The following TM9SF4 variants were observed in gnomAD, a reference collection of about 807,000 sequenced individuals.
TM9SF4 encodes transmembrane 9 superfamily member 4.
Under a neutral mutation model 90.4 loss-of-function variants are expected in TM9SF4, and 26 were observed. The ratio of observed to expected loss-of-function variants is 0.29; its 90% CI spans 0.21 to 0.40. The LOEUF (loss-of-function observed/expected upper bound fraction) is 0.40. Ranked by LOEUF, TM9SF4 falls within the 10% of genes least tolerant of loss-of-function variation. The pLI is 1.00. For synonymous variants in TM9SF4, 293 were observed against 315.4 expected (o/e 0.93, Z 0.75); for missense variants, 549 against 834.8 (o/e 0.66, Z 4.22).
At chr20:32,124,862 C>T (rs895820524) in intron 1 of TM9SF4, among the ~76,000 whole-genome samples, 3 of 152,320 alleles carry the variant, frequency 2.0e-5, no homozygotes, top group East Asian at 1.9e-4. Flanking sequence ...GCTTGGATTA[C>T]GGGTGTGAGC....
intron 6 of TM9SF4, among the ~76,000 whole-genome samples, chr20:32,144,032 G>A (rs917882573): frequency 2.6e-5 from 4 of 151,896 alleles, no homozygotes; most frequent in Non-Finnish European, 4.4e-5. Flanking sequence ...TGCAACCTGC[G>A]TCTCCTGGGT....
intron 12 of TM9SF4, among the ~76,000 whole-genome samples, chr20:32,154,897 A>G (rs904501444): frequency 2.0e-5 from 3 of 152,198 alleles, no homozygotes; most frequent in Admixed American, 2.0e-4. Context: ...GATGAGAGCA[A>G]GAAGGGGCAG....
chr20:32,142,386 A>G (rs756544869), intron 5 of TM9SF4, among the ~76,000 whole-genome samples: 9 of 152,222 alleles, frequency 5.9e-5, no homozygotes, highest in Admixed American at 1.3e-4. Context: ...TGATTCTCTT[A>G]TCTTTCTTTC....
chr20:32,126,073 A>ACACACC (rs2046416443), intron 1 of TM9SF4, among the ~76,000 whole-genome samples: 1 of 105,884 alleles, frequency 9.4e-6, no homozygotes, highest in African/African-American at 3.7e-5. Context: ...CCGTAAACAC[A>ACACACC]CACACACACA....
intron 1 of TM9SF4, among the ~76,000 whole-genome samples, chr20:32,132,233 G>A (rs2235901): frequency 0.42 from 64,240 of 151,922 alleles, 13,958 homozygotes; most frequent in East Asian, 0.74. Context: ...GTGAAACCCC[G>A]TCTGATCTAA....
At chr20:32,144,947 T>A (rs1406367584) in intron 6 of TM9SF4, 144 bp from the exon 7 acceptor site, 1 of 700,274 alleles carries the variant, frequency 1.4e-6, no homozygotes, top group Non-Finnish European at 2.6e-6. Flanking sequence ...AAAAAACCAT[T>A]GTTGCCCATT....
chr20:32,116,449 G>A (rs1032887507), intron 1 of TM9SF4: 1 of 152,346 alleles, frequency 6.6e-6, no homozygotes, highest in African/African-American at 2.4e-5. Flanking sequence ...TGGTGTCAGG[G>A]TTGAAGTCTG....
At chr20:32,110,745 C>T (rs1039502066) in intron 1 of TM9SF4, among the ~76,000 whole-genome samples, 1 of 151,990 alleles carries the variant, frequency 6.6e-6, no homozygotes, top group African/African-American at 2.4e-5. Context: ...GGTAAAATAG[C>T]CATGCTTGGA....
intron 1 of TM9SF4, among the ~76,000 whole-genome samples, chr20:32,132,421 G>A (rs1391336638): frequency 6.6e-6 from 1 of 151,862 alleles, no homozygotes; most frequent in African/African-American, 2.4e-5. Context: ...GAGATGTGCC[G>A]TGCAGGTGCC....
intron 1 of TM9SF4, among the ~76,000 whole-genome samples, chr20:32,128,717 A>T (rs1165771372): frequency 3.9e-5 from 6 of 152,100 alleles, no homozygotes; most frequent in African/African-American, 7.2e-5. Context: ...GTAAGATAAT[A>T]GTCTCCAGTT....
chr20:32,162,966 C>G (rs902642520), intron 17 of TM9SF4, among the ~76,000 whole-genome samples: 1 of 152,028 alleles, frequency 6.6e-6, no homozygotes, highest in African/African-American at 2.4e-5. Flanking sequence ...ATGCTTAGAT[C>G]CAGAGTCTCA....
intron 6 of TM9SF4, among the ~76,000 whole-genome samples, chr20:32,144,410 CTAAA>C (rs952709081): frequency 2.6e-5 from 4 of 152,168 alleles, no homozygotes; most frequent in East Asian, 3.8e-4. Context: ...TAGAGATAGA[CTAAA>C]TGAATGAGTA....
chr20:32,131,488 G>GTGTT (rs944773061), intron 1 of TM9SF4, among the ~76,000 whole-genome samples: 1 of 148,712 alleles, frequency 6.7e-6, no homozygotes, highest in Admixed American at 6.6e-5. Context: ...CAGAGTGTGT[G>GTGTT]TGTGTGTGTG....
intron 13 of TM9SF4, among the ~76,000 whole-genome samples, chr20:32,156,882 C>T (rs1191830990): frequency 6.6e-6 from 1 of 151,594 alleles, no homozygotes; most frequent in African/African-American, 2.4e-5. Flanking sequence ...GCTGGGATTA[C>T]AGGCGTGAGC....
intron 9 of TM9SF4, among the ~76,000 whole-genome samples, chr20:32,147,717 G>C (rs2046783496): frequency 6.6e-6 from 1 of 151,962 alleles, no homozygotes; most frequent in South Asian, 2.1e-4. Context: ...GCTGGGTGTG[G>C]TGGCATGCAC....
chr20:32,117,017 A>C (rs1379262147), intron 1 of TM9SF4, among the ~76,000 whole-genome samples: 1 of 151,276 alleles, frequency 6.6e-6, no homozygotes, highest in Non-Finnish European at 1.5e-5. Flanking sequence ...TGAGGTCAGG[A>C]GCTCAAGACC....
chr20:32,145,198 G>T lies in TM9SF4; in HGVS notation c.760G>T (p.Val254Phe). The T allele has an allele frequency of 6.2e-7, 1 of 1,614,136 alleles. No homozygotes were observed. Among genetic ancestry groups the T allele is most frequent in the South Asian group, 1.1e-5 (1 of 91,082 alleles). The change falls in exon 7 of 18, where the codon GTC becomes TTC. Residue 254 changes from valine (V) to phenylalanine (F), a missense_variant. Transcript: ENST00000398022. Reference protein sequence around the residue: ...KENQLYFTYSVHWEESDIKWA... With the variant: ...KENQLYFTYSFHWEESDIKWA... ...GAATCAGCTGTACTTCACCTACTCTGTCCACTGGGAGGTGAGAAGGGGCTG... is the reference window on the plus strand; with the variant it reads ...GAATCAGCTGTACTTCACCTACTCTTTCCACTGGGAGGTGAGAAGGGGCTG...
At position 32,161,310 on chromosome 20, in the gene TM9SF4, C is replaced by G. The variant is rs1456715179; in HGVS notation, c.1724C>G (p.Ser575Cys). The G allele has an allele frequency of 6.2e-7, 1 of 1,613,992 alleles. No individual in the cohort carries two copies. The highest frequency in any genetic ancestry group is 1.7e-5 in the Admixed American group (1 of 60,018). The part of the protein sequence containing the change: ...YRWWWRNFLV[S>C]GGSAFYVLVY... ...TGGTGGTGGAGAAATTTCCTAGTCT[C>G]CGGGGGCTCTGCATTCTACGTCCTG... The change falls in exon 17 of 18, where the codon TCC becomes TGC. Residue 575 changes from serine (S) to cysteine (C), a missense_variant. By Grantham distance (112) the Ser-to-Cys change is moderately radical. Transcript: ENST00000398022.
chr20:32,145,417 C>A lies in TM9SF4; in HGVS notation c.877C>A (p.Leu293Met). 6.2e-7 allele frequency: 1 copy of A among 1,613,956 alleles called. No homozygotes were observed. The highest frequency in any genetic ancestry group is 8.5e-7 in the Non-Finnish European group (1 of 1,179,888). The stretch of plus-strand genomic sequence containing the variant: ...TAACTCCGTTGTTGTGGTCTTCTTC[C>A]TGTCAGGTGAGAGATCTGTGGGTTG... Reference protein sequence around the residue: ...IINSVVVVFFLSGILSMIIIR... With the variant: ...IINSVVVVFFMSGILSMIIIR... Residue 293 changes from leucine to methionine, a missense_variant, in exon 8 of 18, where the codon CTG becomes ATG. This residue lies in a region of TM9SF4 where 495 missense variants were observed against 711.7 expected (regional missense o/e 0.70). Transcript: ENST00000398022.
Sources: allele counts gnomAD v4.1 joint callset (sites outside exome capture counted in the v4.1 genomes callset), GRCh38; gene constraint gnomAD v4.1.1; regional missense constraint gnomAD v4.1.1; transcripts MANE v1.5; gene names NCBI Gene and HGNC (gene_info 2026-07-23, HGNC 2026-07-21).